Variants in PFKP observed in about 807,000 individuals in gnomAD.
The protein encoded by PFKP is ATP-dependent 6-phosphofructokinase, platelet type.
PFKP carries 101 observed loss-of-function variants against 94.3 expected under a neutral mutation model. The observed-to-expected ratio is 1.07, with a 90% CI of 0.91 to 1.26. PFKP has a LOEUF of 1.26. Ranked by LOEUF, PFKP falls within the 50% of genes most tolerant of loss-of-function variation. The probability of loss-of-function intolerance (pLI) is 0.00; values close to 1 mark genes in which losing one functional copy is unlikely to be tolerated. For synonymous variants in PFKP, 573 were observed against 432.6 expected (o/e 1.32, Z -4.03); for missense variants, 1,145 against 1,103.3 (o/e 1.04, Z -0.53).
intron 1 of PFKP, 130 bp downstream of exon 1, chr10:3,067,837 A>C: frequency 4.3e-6 from 2 of 465,042 alleles, no homozygotes. Flanking sequence ...AAGGTGGCGA[A>C]GCGATGGGGA....
At chr10:3,112,995 C>T (rs187445966) in intron 11 of PFKP, 124 bp from the exon 12 acceptor site, 1 of 841,252 alleles carries the variant, frequency 1.2e-6, no homozygotes. Context: ...GGGGCCTCCT[C>T]CTTCTGCCCA....
chr10:3,130,074 C>T (rs759497961), intron 17 of PFKP, 91 bp downstream of exon 17: 31 of 1,218,276 alleles, frequency 2.5e-5, no homozygotes, highest in Admixed American at 2.3e-4. Flanking sequence ...GTTTGCTTTC[C>T]AAGGGGCATG....
intron 16 of PFKP, among the ~76,000 whole-genome samples, chr10:3,123,322 G>A (rs79988650): frequency 0.031 from 4,796 of 152,342 alleles, 191 homozygotes; most frequent in Admixed American, 0.083. Flanking sequence ...CCACAGCCTC[G>A]TGACTGATTC....
Position 3,077,408 on chromosome 10 carries a change from C to T in PFKP, c.113-4980C>T, listed in dbSNP as rs561017530. ...TCCCAAGTAGCTGGGACTGCAGGCGCTCACCACCATGCCCGGCTAATTTTT... is the reference window on the plus strand; with the variant it reads ...TCCCAAGTAGCTGGGACTGCAGGCGTTCACCACCATGCCCGGCTAATTTTT... On this transcript the variant is annotated intron_variant, in intron 1 of 21. Transcript: ENST00000381125. Among the ~76,000 whole-genome samples the T allele has an allele frequency of 2.8e-4, 42 of 151,498 alleles. 1 individual carries two copies. The highest frequency in any genetic ancestry group is 6.8e-3 in the Middle Eastern group (2 of 292).
intron 5 of PFKP, 54 bp from the exon 6 acceptor site, chr10:3,105,059 CCT>C (rs1374788644): frequency 2.0e-6 from 3 of 1,537,280 alleles, no homozygotes; most frequent in Non-Finnish European, 2.7e-6. Flanking sequence ...GTGGGTGCTC[CCT>C]CTGTTTCTCT....
intron 1 of PFKP, among the ~76,000 whole-genome samples, chr10:3,077,228 T>C (rs1832663095): frequency 6.6e-6 from 1 of 151,160 alleles, no homozygotes; most frequent in Non-Finnish European, 1.5e-5. Context: ...GATTATTTCA[T>C]TAGAGTTCAT....
chr10:3,082,097 C>G (rs1348035708), intron 1 of PFKP, among the ~76,000 whole-genome samples: 2 of 147,788 alleles, frequency 1.4e-5, no homozygotes, highest in Non-Finnish European at 3.0e-5. Context: ...CAAATAAACC[C>G]CTATTCTGTA....
intron 14 of PFKP, 145 bp from the exon 15 acceptor site, chr10:3,118,637 G>A (rs1358629301): frequency 1.2e-5 from 7 of 588,384 alleles, no homozygotes; most frequent in South Asian, 4.3e-5. Flanking sequence ...CAGCCACAAC[G>A]GCATGAGTGA....
Position 3,118,879 on chromosome 10 carries a change from C to G in PFKP, c.1530+10C>G. Reference sequence around the variant, plus strand: ...CATCGGTGGATTCGAGGTACGTTACCGTTTCTCTCTTGCCGGTCTTGCAGG... The same window carrying G: ...CATCGGTGGATTCGAGGTACGTTACGGTTTCTCTCTTGCCGGTCTTGCAGG... On this transcript the variant is annotated intron_variant, in intron 15 of 21. Transcript: ENST00000381125. The G allele has an allele frequency of 6.2e-7, 1 of 1,605,886 alleles. No homozygotes were observed. Among genetic ancestry groups the G allele is most frequent in the Non-Finnish European group, 8.5e-7 (1 of 1,173,298 alleles).
At chr10:3,136,153 A>G (rs962340867) in intron 21 of PFKP, among the ~76,000 whole-genome samples, 6 of 152,098 alleles carry the variant, frequency 3.9e-5, no homozygotes, top group African/African-American at 1.4e-4. Flanking sequence ...AGTCCCAGCT[A>G]CTCAGGAGGC....
intron 17 of PFKP, among the ~76,000 whole-genome samples, chr10:3,130,287 C>T (rs569116461): frequency 1.7e-4 from 26 of 152,298 alleles, no homozygotes; most frequent in Admixed American, 4.6e-4. Context: ...TGAGAACCTC[C>T]GCTGACAGTC....
chr10:3,132,034 C>T (rs1428773909), intron 17 of PFKP, among the ~76,000 whole-genome samples: 2 of 152,156 alleles, frequency 1.3e-5, no homozygotes, highest in Non-Finnish European at 2.9e-5. Context: ...CCTCTGAGAG[C>T]ACCGAGAACA....
intron 1 of PFKP, chr10:3,070,462 A>G (rs1343164905): frequency 6.6e-6 from 1 of 152,168 alleles, no homozygotes; most frequent in African/African-American, 2.4e-5. Flanking sequence ...TTCACGTATT[A>G]ATTTCAGGGG....
At chr10:3,084,644 C>T (rs529456380) in intron 2 of PFKP, among the ~76,000 whole-genome samples, 8 of 151,892 alleles carry the variant, frequency 5.3e-5, no homozygotes, top group Admixed American at 2.0e-4. Context: ...GTGGCAGCTG[C>T]CCCTTGCTCA....
intron 21 of PFKP, 33 bp from the exon 22 acceptor site, chr10:3,136,417 A>C: frequency 6.2e-7 from 1 of 1,610,638 alleles, no homozygotes; most frequent in Non-Finnish European, 8.5e-7. Flanking sequence ...CAGTGACTGC[A>C]GGCCTCACTG....
At chr10:3,098,155 A>G (rs189971086) in intron 2 of PFKP, among the ~76,000 whole-genome samples, 2 of 152,298 alleles carry the variant, frequency 1.3e-5, no homozygotes, top group Admixed American at 1.3e-4. Flanking sequence ...AGTCATTTCA[A>G]TTTTAAAAAC....
At chr10:3,116,923 G>A (rs1164440396) in intron 14 of PFKP, 77 bp downstream of exon 14, 3 of 1,138,702 alleles carry the variant, frequency 2.6e-6, no homozygotes, top group Non-Finnish European at 4.0e-6. Flanking sequence ...GAATCGCTGG[G>A]TGCCGACGCC....
At chr10:3,102,505 C>A (rs1168612570) in intron 4 of PFKP, among the ~76,000 whole-genome samples, 1 of 151,956 alleles carries the variant, frequency 6.6e-6, no homozygotes, top group Non-Finnish European at 1.5e-5. Context: ...CATCTGCCTC[C>A]TGGGTTCAAG....
At chr10:3,100,669 G>A (rs143234406) in intron 3 of PFKP, among the ~76,000 whole-genome samples, 57 of 152,204 alleles carry the variant, frequency 3.7e-4, no homozygotes, top group Non-Finnish European at 6.8e-4. Flanking sequence ...TAGGGATCCC[G>A]TACGGATGGA....
Sources: allele counts gnomAD v4.1 joint callset (sites outside exome capture counted in the v4.1 genomes callset), GRCh38; gene constraint gnomAD v4.1.1; transcripts MANE v1.5; gene names NCBI Gene and HGNC (gene_info 2026-07-23, HGNC 2026-07-21).